CERKL: variants seen among roughly 807,000 people sequenced by gnomAD.
The protein encoded by CERKL is CERK like autophagy regulator.
Under a neutral mutation model 63.4 loss-of-function variants are expected in CERKL, and 61 were observed. The ratio of observed to expected loss-of-function variants is 0.96; its 90% CI spans 0.78 to 1.19. CERKL has a LOEUF of 1.19. CERKL is among the 50% of genes most tolerant of loss of function. CERKL has a pLI of 0.00. For missense variants in CERKL, 675 were observed against 655.5 expected (o/e 1.03, Z -0.33); for synonymous variants, 250 against 230.5 (o/e 1.08, Z -0.77).
intron 2 of CERKL, among the ~76,000 whole-genome samples, chr2:181,598,113 A>G (rs1055664926): frequency 5.3e-5 from 8 of 152,092 alleles, no homozygotes; most frequent in African/African-American, 1.7e-4. Context: ...AGAGTTTTTC[A>G]TGGTTTTCAA....
At chr2:181,559,128 A>G (rs2105821003) in intron 4 of CERKL, among the ~76,000 whole-genome samples, 1 of 152,330 alleles carries the variant, frequency 6.6e-6, no homozygotes, top group African/African-American at 2.4e-5. Flanking sequence ...CTCTGAAAAG[A>G]CAGATAGCAA....
chr2:181,548,533 G>GT lies in CERKL; in HGVS notation c.1133+11dup. The stretch of plus-strand genomic sequence containing the variant: ...ATACAGGTTATCTGTATTACATTGA[G>GT]TTTTTACCTACCTTTCTTGCACATC... On this transcript the variant is annotated intron_variant, in intron 8 of 12. Coordinates refer to ENST00000410087, the MANE Select transcript of CERKL (RefSeq NM_201548.5). The GT allele has an allele frequency of 6.3e-7, 1 of 1,588,984 alleles. No homozygotes were observed. Among genetic ancestry groups the GT allele is most frequent in the Non-Finnish European group, 8.6e-7 (1 of 1,158,140 alleles).
intron 3 of CERKL, among the ~76,000 whole-genome samples, chr2:181,572,917 C>T (rs1010237183): frequency 6.6e-6 from 1 of 151,738 alleles, no homozygotes; most frequent in Non-Finnish European, 1.5e-5. Flanking sequence ...TGAATCCCTT[C>T]CCTAGGAATC....
chr2:181,612,438 C>G (rs1415071708), intron 1 of CERKL, among the ~76,000 whole-genome samples: 1 of 152,024 alleles, frequency 6.6e-6, no homozygotes, highest in African/African-American at 2.4e-5. Context: ...TCCCTCAGGA[C>G]CATGATTTTT....
At chr2:181,628,769 A>T (rs538388875) in intron 1 of CERKL, among the ~76,000 whole-genome samples, 6 of 152,320 alleles carry the variant, frequency 3.9e-5, no homozygotes, top group African/African-American at 1.4e-4. Flanking sequence ...ATTATAATCT[A>T]ACCCAAGTAA....
In CERKL at chr2:181,656,995, C is replaced by T. The variant is rs765497138; in HGVS notation, c.12G>A (p.Arg4=). The change falls in exon 1 of 13, where the codon AGG becomes AGA. Residue 4 remains arginine, a synonymous_variant. Coordinates refer to ENST00000410087, the MANE Select transcript of CERKL (RefSeq NM_201548.5). ...GGGCACTCACCCGGTTCCTGCGCCT[C>T]CTCCAGGGCATGGCGGAGTCGCAGG... is the stretch of plus-strand genomic sequence containing the variant. MPW[R]RRRNRVSALE... The T allele has an allele frequency of 2.5e-6, 4 of 1,582,602 alleles. No homozygotes were observed. The highest frequency in any genetic ancestry group is 2.3e-5 in the South Asian group (2 of 88,666).
intron 1 of CERKL, among the ~76,000 whole-genome samples, chr2:181,618,149 A>G (rs1433803009): frequency 1.3e-5 from 2 of 152,186 alleles, no homozygotes; most frequent in Non-Finnish European, 2.9e-5. Flanking sequence ...TTGAAAAATT[A>G]TTTAATGGGT....
intron 4 of CERKL, among the ~76,000 whole-genome samples, chr2:181,563,989 T>A (rs192525415): frequency 6.6e-6 from 1 of 152,180 alleles, no homozygotes; most frequent in Non-Finnish European, 1.5e-5. Context: ...CAGGGTGGGG[T>A]GGGAGACGGA....
In CERKL at chr2:181,565,495, TG is replaced by T. The variant is rs2105832223; in HGVS notation, c.677+562del. 1 of 1,610,172 alleles carries T rather than the reference TG, an allele frequency of 6.2e-7. No homozygotes were observed. The highest frequency in any genetic ancestry group is 2.2e-5 in the East Asian group (1 of 44,798). On this transcript the variant is annotated intron_variant, in intron 4 of 12. Transcript: ENST00000410087. The stretch of plus-strand genomic sequence containing the variant: ...GTACACTCCAATGTATTGCGAACAA[TG>T]GTTTCCGATGCCCACTGTGAATAAC...
chr2:181,574,901 T>C (rs1269862810), intron 2 of CERKL, among the ~76,000 whole-genome samples: 1 of 152,200 alleles, frequency 6.6e-6, no homozygotes, highest in Non-Finnish European at 1.5e-5. Flanking sequence ...GTTTTGATTT[T>C]AGGGAGAGTT....
At chr2:181,631,686 C>T (rs1191145024) in intron 1 of CERKL, among the ~76,000 whole-genome samples, 4 of 152,182 alleles carry the variant, frequency 2.6e-5, no homozygotes, top group Non-Finnish European at 5.9e-5. Flanking sequence ...TCAAGCAAAG[C>T]ACTCTCCCCT....
intron 10 of CERKL, among the ~76,000 whole-genome samples, chr2:181,545,880 C>T (rs1424037243): frequency 6.6e-6 from 1 of 152,168 alleles, no homozygotes; most frequent in African/African-American, 2.4e-5. Context: ...ATGGCTGGCA[C>T]TGCTTTAAAT....
Position 181,587,253 on chromosome 2 carries a change from C to T in CERKL, c.482-13369G>A, listed in dbSNP as rs890614833. Among the ~76,000 whole-genome samples, 3 of 152,106 alleles carry T rather than the reference C, an allele frequency of 2.0e-5. No individual in the cohort carries two copies. In the South Asian group the frequency reaches 6.2e-4, roughly 32 times the overall value. On this transcript the variant is annotated intron_variant, in intron 2 of 12. Transcript: ENST00000410087. ...TCAAAGTAAAAACAAAGCCATGTAA[C>T]TTCTAAATTTACATGCAGCCCAGCA...
chr2:181,642,454 A>G lies in CERKL; in HGVS notation c.238+14315T>C, dbSNP rs193248471. Among the ~76,000 whole-genome samples, 56 of 152,326 alleles carry G rather than the reference A, an allele frequency of 3.7e-4. 1 individual carries two copies. In the East Asian group the frequency reaches 0.011, roughly 29 times the overall value. ...TTTTCTCATTTTCATATTTTTGCAC[A>G]TTATCTTTTAAACTGCTAAGTGTCA... On this transcript the variant is annotated intron_variant, in intron 1 of 12. Transcript: ENST00000410087.
At position 181,549,703 on chromosome 2, in the gene CERKL, T is replaced by G. The variant is rs568190450; in HGVS notation, c.826A>C (p.Thr276Pro). ...TGAAGAGAATGTGCCAATACATTGG[T>G]AGATCCTGCCAAAGCAATTTTAAAA... ...LPLGLIPAGS[T>P]NVLAHSLHGV... The change falls in exon 6 of 13, where the codon ACC (threonine) becomes CCC (proline). Residue 276 changes from threonine to proline, a missense_variant. Transcript: ENST00000410087. 1 of 1,609,434 alleles carries G rather than the reference T, an allele frequency of 6.2e-7. No individual in the cohort carries two copies. Among genetic ancestry groups the G allele is most frequent in the Admixed American group, 1.7e-5 (1 of 59,960 alleles).
At chr2:181,655,437 G>A (rs912920084) in intron 1 of CERKL, among the ~76,000 whole-genome samples, 1 of 152,124 alleles carries the variant, frequency 6.6e-6, no homozygotes, top group Admixed American at 6.5e-5. Flanking sequence ...TGCATAACTC[G>A]AATTGCCTGA....
intron 1 of CERKL, among the ~76,000 whole-genome samples, chr2:181,633,028 T>C (rs1054916763): frequency 6.6e-6 from 1 of 152,184 alleles, no homozygotes; most frequent in Non-Finnish European, 1.5e-5. Flanking sequence ...ATTTCAGGCC[T>C]AAATGAAAGC....
At chr2:181,545,032 T>C (rs1424133796) in intron 10 of CERKL, among the ~76,000 whole-genome samples, 2 of 152,152 alleles carry the variant, frequency 1.3e-5, no homozygotes, top group Non-Finnish European at 2.9e-5. Context: ...AATAAGCTCT[T>C]ACATTAGAGC....
chr2:181,549,613 C>G (rs552603194), intron 6 of CERKL, 21 bp downstream of exon 6: 34 of 1,548,726 alleles, frequency 2.2e-5, no homozygotes, highest in Non-Finnish European at 2.9e-5. Context: ...AAAATATGAA[C>G]TGCTTTGGAA....
Sources: allele counts gnomAD v4.1 joint callset (sites outside exome capture counted in the v4.1 genomes callset), GRCh38; gene constraint gnomAD v4.1.1; transcripts MANE v1.5; gene names NCBI Gene and HGNC (gene_info 2026-07-23, HGNC 2026-07-21).